The following FBXL7 variants were observed in gnomAD, a reference collection of about 807,000 sequenced individuals.
FBXL7 encodes F-box and leucine rich repeat protein 7, also known as F-box/LRR-repeat protein 7.
Under a neutral mutation model 38.3 loss-of-function variants are expected in FBXL7, and 12 were observed. The observed-to-expected ratio is 0.31, with a 90% confidence interval of 0.20 to 0.51. The LOEUF is 0.51. FBXL7 is among the 20% of genes least tolerant of loss of function. FBXL7 has a pLI of 0.98. For missense variants in FBXL7, 567 were observed against 676.4 expected (o/e 0.84, Z 1.79); for synonymous variants, 297 against 300.9 (o/e 0.99, Z 0.13).
intron 3 of FBXL7, among the ~76,000 whole-genome samples, chr5:15,932,705 C>A (rs1453810001): frequency 1.3e-5 from 2 of 152,122 alleles, no homozygotes; most frequent in Non-Finnish European, 2.9e-5. Context: ...TATCTTACTA[C>A]CTGGACTCCA....
At chr5:15,601,193 C>T (rs892967112) in intron 1 of FBXL7, among the ~76,000 whole-genome samples, 9 of 152,264 alleles carry the variant, frequency 5.9e-5, no homozygotes, top group Admixed American at 2.0e-4. Flanking sequence ...TTGTGTAGAA[C>T]CACCAGTGAA....
chr5:15,649,133 A>T (rs574435929), intron 2 of FBXL7, among the ~76,000 whole-genome samples: 1 of 152,210 alleles, frequency 6.6e-6, no homozygotes, highest in Admixed American at 6.5e-5. Context: ...AGTAGCTGGA[A>T]CTACAGGCAT....
At chr5:15,825,088 A>C (rs570428402) in intron 2 of FBXL7, among the ~76,000 whole-genome samples, 1 of 152,240 alleles carries the variant, frequency 6.6e-6, no homozygotes, top group Non-Finnish European at 1.5e-5. Flanking sequence ...GTAAATAATA[A>C]ACATTTAGTA....
chr5:15,761,344 G>C (rs972525691), intron 2 of FBXL7, among the ~76,000 whole-genome samples: 2 of 152,144 alleles, frequency 1.3e-5, no homozygotes, highest in Non-Finnish European at 2.9e-5. Flanking sequence ...GCCATGAACA[G>C]GGACTCTGGA....
intron 1 of FBXL7, among the ~76,000 whole-genome samples, chr5:15,586,207 G>A (rs1332596372): frequency 4.0e-5 from 6 of 151,874 alleles, no homozygotes; most frequent in Non-Finnish European, 4.4e-5. Flanking sequence ...GCACTTCTGG[G>A]TGATGACAAA....
chr5:15,834,711 C>T (rs975067803), intron 2 of FBXL7, among the ~76,000 whole-genome samples: 3 of 152,218 alleles, frequency 2.0e-5, no homozygotes, highest in Admixed American at 6.5e-5. Context: ...AACTCTGCCA[C>T]GTAGAAGCTG....
At chr5:15,663,374 T>C (rs186475926) in intron 2 of FBXL7, among the ~76,000 whole-genome samples, 400 of 152,320 alleles carry the variant, frequency 2.6e-3, no homozygotes, top group Non-Finnish European at 3.3e-3. Context: ...TACTGAAGTT[T>C]TTATCAGCTG....
chr5:15,837,803 A>C (rs1026126729), intron 2 of FBXL7, among the ~76,000 whole-genome samples: 1 of 152,094 alleles, frequency 6.6e-6, no homozygotes, highest in African/African-American at 2.4e-5. Flanking sequence ...TGAGGTCTGC[A>C]TCTGACAGCT....
Position 15,767,700 on chromosome 5 carries a change from A to C in FBXL7, c.127+151628A>C, listed in dbSNP as rs577893890. Reference sequence around the variant, plus strand: ...TCACGCCTTTGCTAACTAATTTGCTATTATTTTTGACAATCTTTTATTAGT... The same window carrying C: ...TCACGCCTTTGCTAACTAATTTGCTCTTATTTTTGACAATCTTTTATTAGT... On this transcript the variant is annotated intron_variant, in intron 2 of 3. Coordinates refer to ENST00000504595, the MANE Select transcript of FBXL7 (RefSeq NM_012304.5). Among the ~76,000 whole-genome samples, 3 of 152,282 alleles carry C rather than the reference A, an allele frequency of 2.0e-5. No homozygotes were observed. The East Asian group carries it at 5.8e-4, about 29-fold the overall frequency.
chr5:15,724,859 A>G (rs1225000792), intron 2 of FBXL7, among the ~76,000 whole-genome samples: 1 of 152,162 alleles, frequency 6.6e-6, no homozygotes, highest in Non-Finnish European at 1.5e-5. Flanking sequence ...GAGTCAAATG[A>G]TAACTATTTT....
chr5:15,828,751 C>T (rs951572611), intron 2 of FBXL7, among the ~76,000 whole-genome samples: 1 of 152,088 alleles, frequency 6.6e-6, no homozygotes. Context: ...TGCCGTGTTA[C>T]GTTGGAAAGG....
intron 2 of FBXL7, among the ~76,000 whole-genome samples, chr5:15,903,770 T>A (rs906431806): frequency 3.9e-5 from 6 of 152,168 alleles, no homozygotes; most frequent in African/African-American, 1.4e-4. Context: ...TTAAATTAAA[T>A]TAAATTAAAA....
intron 1 of FBXL7, among the ~76,000 whole-genome samples, chr5:15,579,447 A>T (rs34723945): frequency 0.024 from 3,597 of 152,312 alleles, 126 homozygotes; most frequent in African/African-American, 0.081. Flanking sequence ...TTATCCAGAA[A>T]ATCAGTATGT....
intron 1 of FBXL7, among the ~76,000 whole-genome samples, chr5:15,600,088 A>G (rs1158598974): frequency 6.6e-6 from 1 of 152,238 alleles, no homozygotes; most frequent in Admixed American, 6.5e-5. Flanking sequence ...CATAGGACGC[A>G]TGTTCAAAAA....
intron 2 of FBXL7, among the ~76,000 whole-genome samples, chr5:15,888,917 A>G (rs1354771186): frequency 1.3e-5 from 2 of 152,186 alleles, no homozygotes; most frequent in Admixed American, 6.5e-5. Flanking sequence ...TCAAAAATCT[A>G]TTATCTGTGC....
Position 15,939,556 on chromosome 5 carries a change from T to C in FBXL7, c.*2370T>C, listed in dbSNP as rs1742288460. On this transcript the variant is annotated 3_prime_UTR_variant, in exon 4 of 4. Coordinates refer to ENST00000504595, the MANE Select transcript of FBXL7 (RefSeq NM_012304.5). ...TCATCCATTCTGTTCTCCCTTGGGG[T>C]GGGAATCTATGATGGAGGTTACTGG... 6.6e-6 allele frequency: 1 copy of C among 152,428 alleles called. No individual in the cohort carries two copies. The highest frequency in any genetic ancestry group is 1.5e-5 in the Non-Finnish European group (1 of 68,160). 9.4% of individuals were successfully genotyped at this position (152,428 alleles called of 1,614,324 possible). A position where few individuals can be genotyped will look rare whatever the true frequency, so the allele number is the denominator to read the frequency against.
chr5:15,928,029 C>G lies in FBXL7; in HGVS notation c.267C>G (p.His89Gln). Residue 89 changes from histidine to glutamine, a missense_variant, in exon 3 of 4, where the codon CAC becomes CAG. Coordinates refer to ENST00000504595, the MANE Select transcript of FBXL7 (RefSeq NM_012304.5). This position sits in a 1 kb window ranked among gnomAD's most constrained non-coding sequence, Gnocchi z 4.0. ...SITGETVAMV[H>Q]SPPPTRLTHP... The stretch of plus-strand genomic sequence containing the variant: ...CCGGGGAGACGGTGGCCATGGTGCA[C>G]TCCCCGCCCCCGACCCGCCTCACAC... The G allele has an allele frequency of 7.1e-7, 1 of 1,398,762 alleles. No homozygotes were observed. Among genetic ancestry groups the G allele is most frequent in the Non-Finnish European group, 1.0e-6 (1 of 993,306 alleles). 86.6% of individuals were successfully genotyped at this position (1,398,762 alleles called of 1,614,324 possible). A position where few individuals can be genotyped will look rare whatever the true frequency, so the allele number is the denominator to read the frequency against.
intron 1 of FBXL7, among the ~76,000 whole-genome samples, chr5:15,612,305 CTATT>C (rs1158738907): frequency 2.6e-5 from 4 of 152,194 alleles, no homozygotes; most frequent in Admixed American, 2.0e-4. Context: ...GGCATAATGA[CTATT>C]TAATAAGAGA....
intron 2 of FBXL7, among the ~76,000 whole-genome samples, chr5:15,634,313 C>CTTTTT (rs57823645): frequency 0.095 from 10,626 of 111,674 alleles, 608 homozygotes; most frequent in Non-Finnish European, 0.14. Flanking sequence ...ATGTTCGTTT[C>CTTTTT]TTTTTTTTTT....
Sources: gnomAD v4.1 joint callset for allele counts (sites outside exome capture counted in the v4.1 genomes callset) on GRCh38, gnomAD v4.1.1 for gene constraint, Gnocchi (gnomAD v3.1) non-coding constraint, MANE v1.5 for transcripts, NCBI Gene and HGNC (gene_info 2026-07-23, HGNC 2026-07-21) for gene names.